POLR2B: variants seen among roughly 807,000 people sequenced by gnomAD.
The protein encoded by POLR2B is DNA-directed RNA polymerase II subunit RPB2.
A neutral mutation model predicts 144.6 loss-of-function variants in POLR2B; 57 were observed. The observed-to-expected ratio is 0.39, with a 90% confidence interval of 0.32 to 0.49. POLR2B has a LOEUF of 0.49. Ranked by LOEUF, POLR2B falls within the 20% of genes least tolerant of loss-of-function variation. The probability of loss-of-function intolerance (pLI) is 0.83; values close to 1 mark genes in which losing one functional copy is unlikely to be tolerated. For synonymous variants in POLR2B, 442 were observed against 469.8 expected (o/e 0.94, Z 0.77); for missense variants, 595 against 1,467.4 (o/e 0.41, Z 9.71).
chr4:57,022,727 T>C (rs1021850636), intron 18 of POLR2B, among the ~76,000 whole-genome samples: 1 of 152,266 alleles, frequency 6.6e-6, no homozygotes, highest in African/African-American at 2.4e-5. Flanking sequence ...AACCTGCTTA[T>C]GCAGTGGGAT....
Position 57,022,386 on chromosome 4 carries a change from A to T in POLR2B, c.2515+140A>T, listed in dbSNP as rs1241654717. Reference sequence around the variant, plus strand: ...TTTTGTGCAATGAAAGTGTGTTTTCATGTTATTCTTAGAGTTCACATCTAA... The same window carrying T: ...TTTTGTGCAATGAAAGTGTGTTTTCTTGTTATTCTTAGAGTTCACATCTAA... On this transcript the variant is annotated intron_variant, in intron 18 of 24. Transcript: ENST00000314595. The T allele has an allele frequency of 4.8e-6, 3 of 621,890 alleles. No homozygotes were observed. In the Admixed American group the frequency reaches 9.0e-5, roughly 19 times the overall value. The allele number at this position is 621,890 out of a possible 1,614,324, so 38.5% of individuals were successfully genotyped here. A position where few individuals can be genotyped will look rare whatever the true frequency, so the allele number is the denominator to read the frequency against.
rs1723603852 is a variant in POLR2B at position 57,023,119 on chromosome 4, C to T, written c.2516-211C>T. On this transcript the variant is annotated intron_variant, in intron 18 of 24. Coordinates refer to ENST00000314595, the MANE Select transcript of POLR2B (RefSeq NM_000938.3). The surrounding 1 kb of genome is among the most constrained non-coding windows in gnomAD (Gnocchi z 4.3). ...AGAATCTGCTTTCCCAGTGCTGATT[C>T]CAATGTTCTTTTCCTTCATAGACTT... is the stretch of plus-strand genomic sequence containing the variant. The T allele has an allele frequency of 3.9e-6, 2 of 509,306 alleles. No individual in the cohort carries two copies. The highest frequency in any genetic ancestry group is 6.9e-6 in the Non-Finnish European group (2 of 289,942). The allele number at this position is 509,306 out of a possible 1,614,324, so 31.5% of individuals were successfully genotyped here.
In POLR2B at chr4:57,031,065, A is replaced by G. The variant is rs538634804; in HGVS notation, c.*77A>G. ...ATTGTGTGGCTTTTTAAAAATGACA[A>G]ATATGTACTGTGTTGTGATAAAAAG... On this transcript the variant is annotated 3_prime_UTR_variant, in exon 25 of 25. Coordinates refer to ENST00000314595, the MANE Select transcript of POLR2B (RefSeq NM_000938.3). 4.0e-5 allele frequency: 36 copies of G among 910,658 alleles called. No homozygotes were observed. The highest frequency in any genetic ancestry group is 2.6e-4 in the Middle Eastern group (1 of 3,810). The allele number at this position is 910,658 out of a possible 1,614,324, so 56.4% of individuals were successfully genotyped here.
At chr4:57,024,339 G>A (rs1723647761) in intron 21 of POLR2B, among the ~76,000 whole-genome samples, 1 of 137,006 alleles carries the variant, frequency 7.3e-6, no homozygotes, top group Admixed American at 7.5e-5. Flanking sequence ...TAATACATAT[G>A]TGATTTTCCT....
rs1384379186 is a variant in POLR2B, at chr4:57,010,351, T to G, written c.1405-10T>G. ...TGTCCAGACTTTAAAGATTGGCTAT[T>G]TTTTTCTAGGTGTTAAACCGCCTGA... On this transcript the variant is annotated splice_polypyrimidine_tract_variant and intron_variant, in intron 10 of 24. Coordinates refer to ENST00000314595, the MANE Select transcript of POLR2B (RefSeq NM_000938.3). 3 of 1,612,438 alleles carry G rather than the reference T, an allele frequency of 1.9e-6. No homozygotes were observed. The African/African-American group carries it at 4.0e-5, about 22-fold the overall frequency.
chr4:56,997,711 G>C (rs1722732698), intron 6 of POLR2B, among the ~76,000 whole-genome samples: 1 of 152,216 alleles, frequency 6.6e-6, no homozygotes, highest in Admixed American at 6.5e-5. Context: ...GCTGGATGAA[G>C]TATGTTGAAT....
intron 2 of POLR2B, among the ~76,000 whole-genome samples, chr4:56,988,783 T>C (rs550253135): frequency 1.1e-4 from 17 of 152,172 alleles, no homozygotes; most frequent in Admixed American, 2.0e-4. Context: ...CCAAGAGATA[T>C]TTTATTAGGA....
chr4:56,986,193 A>G, intron 1 of POLR2B, 161 bp from the exon 2 acceptor site: 1 of 701,962 alleles, frequency 1.4e-6, no homozygotes, highest in Non-Finnish European at 2.6e-6. Context: ...ACATAGACAT[A>G]AATTATTTTA....
chr4:56,996,983 C>T (rs918159184), intron 6 of POLR2B, among the ~76,000 whole-genome samples: 3 of 152,020 alleles, frequency 2.0e-5, no homozygotes, highest in Non-Finnish European at 4.4e-5. Context: ...CCTGTAGTCC[C>T]GGTTACTCGG....
Position 57,025,105 on chromosome 4 carries a change from T to TAA in POLR2B, c.3078+107_3078+108insAA, listed in dbSNP as rs10653589. The TAA allele has an allele frequency of 9.1e-4, 599 of 657,492 alleles. 3 individuals carry two copies. In the African/African-American group the frequency reaches 0.01, roughly 11 times the overall value. The allele number at this position is 657,492 out of a possible 1,614,324, so 40.7% of individuals were successfully genotyped here. ...TTTATTGAAGTATCATATGTGCACATATAGAAATGTACAGCTTGATGAATT... is the reference window on the plus strand; with the variant it reads ...TTTATTGAAGTATCATATGTGCACATAAATAGAAATGTACAGCTTGATGAATT... On this transcript the variant is annotated intron_variant, in intron 22 of 24. Transcript: ENST00000314595.
At chr4:57,000,708 G>A (rs184438191) in intron 7 of POLR2B, among the ~76,000 whole-genome samples, 2 of 151,504 alleles carry the variant, frequency 1.3e-5, no homozygotes, top group South Asian at 2.1e-4. Flanking sequence ...GTTTTTTTTG[G>A]GGGGGAGGAT....
At chr4:57,027,822 G>A (rs927102047) in intron 23 of POLR2B, among the ~76,000 whole-genome samples, 3 of 152,132 alleles carry the variant, frequency 2.0e-5, no homozygotes, top group Non-Finnish European at 2.9e-5. Flanking sequence ...GCTGAGTTAC[G>A]TAGATTTTCA....
rs1430865133 is a variant in POLR2B, at chr4:57,017,495, G to T, written c.2155-65G>T. The T allele has an allele frequency of 1.5e-6, 2 of 1,293,768 alleles. No homozygotes were observed. The highest frequency in any genetic ancestry group is 2.1e-6 in the Non-Finnish European group (2 of 936,116). 80.1% of individuals were successfully genotyped at this position (1,293,768 alleles called of 1,614,324 possible). On this transcript the variant is annotated intron_variant, in intron 15 of 24. Transcript: ENST00000314595. The surrounding 1 kb of genome is among the most constrained non-coding windows in gnomAD (Gnocchi z 4.8). ...CCAATCATATTTCTTTTGATTTATT[G>T]TCAGAGTCTTTTCCATTAGTGATAG...
At chr4:57,012,070 G>A (rs1232462037) in intron 13 of POLR2B, among the ~76,000 whole-genome samples, 2 of 152,016 alleles carry the variant, frequency 1.3e-5, no homozygotes, top group South Asian at 4.2e-4. Context: ...TATTTTGGAG[G>A]ATATTGAAGT....
chr4:57,006,998 C>T lies in POLR2B; in HGVS notation c.1400C>T (p.Ser467Phe). ...GCTCATCAAGCCAGAGCTGGAGTAT[C>T]TCAGGTAAGTGTGCCAACTATGACT... ...KKAHQARAGV[S>F]QVLNRLTFAS... is the part of the protein sequence containing the mutation. Residue 467 changes from serine (S) to phenylalanine (F), a missense_variant, in exon 10 of 25, where the codon TCT (serine) becomes TTT (phenylalanine). By Grantham distance (155) the Ser-to-Phe change is radical (BLOSUM62 -2). This residue lies in a region of POLR2B where 251 missense variants were observed against 567.3 expected (regional missense o/e 0.44). Transcript: ENST00000314595. 6.2e-7 allele frequency: 1 copy of T among 1,610,522 alleles called. No individual in the cohort carries two copies. The highest frequency in any genetic ancestry group is 8.5e-7 in the Non-Finnish European group (1 of 1,177,310).
At chr4:57,022,736 A>T (rs928928308) in intron 18 of POLR2B, among the ~76,000 whole-genome samples, 1 of 152,214 alleles carries the variant, frequency 6.6e-6, no homozygotes, top group African/African-American at 2.4e-5. Flanking sequence ...ATGCAGTGGG[A>T]TGGATGGGAT....
chr4:57,025,138 A>C (rs1723673769), intron 22 of POLR2B, 139 bp downstream of exon 22: 1 of 622,916 alleles, frequency 1.6e-6, no homozygotes, highest in Non-Finnish European at 2.8e-6. Flanking sequence ...ATTTTCACAA[A>C]GTAAACACAG....
chr4:56,982,952 C>G lies in POLR2B; in HGVS notation c.20-3402C>G, dbSNP rs987813785. Among the ~76,000 whole-genome samples the G allele has an allele frequency of 1.1e-4, 17 of 152,166 alleles. 1 individual carries two copies. The highest frequency in any genetic ancestry group is 2.2e-4 in the Non-Finnish European group (15 of 68,038). On this transcript the variant is annotated intron_variant, in intron 1 of 24. Coordinates refer to ENST00000314595, the MANE Select transcript of POLR2B (RefSeq NM_000938.3). The stretch of plus-strand genomic sequence containing the variant: ...AATCAGTCACCAAGCCCTGTTGGTT[C>G]TGTCTCCTAAATATGTCAAATCTGG...
chr4:57,010,511 C>T lies in POLR2B; in HGVS notation c.1548+7C>T. ...TCCTGCCGAGACCCCAGAGGTAATA[C>T]ATTAGAATTTACATTCAGGACAAAA... is the stretch of plus-strand genomic sequence containing the variant. On this transcript the variant is annotated splice_region_variant and intron_variant, in intron 11 of 24. Transcript: ENST00000314595. 6.2e-7 allele frequency: 1 copy of T among 1,605,252 alleles called. No individual in the cohort carries two copies. Among genetic ancestry groups the T allele is most frequent in the Non-Finnish European group, 8.5e-7 (1 of 1,176,558 alleles).
Sources: gnomAD v4.1 joint callset for allele counts (sites outside exome capture counted in the v4.1 genomes callset) on GRCh38, gnomAD v4.1.1 for gene constraint, gnomAD v4.1.1 regional missense constraint, Gnocchi (gnomAD v3.1) non-coding constraint, MANE v1.5 for transcripts, NCBI Gene and HGNC (gene_info 2026-07-23, HGNC 2026-07-21) for gene names.